RAB5B: variants seen among roughly 807,000 people sequenced by gnomAD.
RAB5B encodes the protein RAB5B, member RAS oncogene family.
Under a neutral mutation model 28.6 loss-of-function variants are expected in RAB5B, and 11 were observed. The observed-to-expected ratio is 0.38, with a 90% CI of 0.24 to 0.64. The LOEUF is 0.64. Among genes scored for constraint, RAB5B ranks in the 30% least tolerant of loss-of-function variants. The pLI is 0.53. For synonymous variants in RAB5B, 93 were observed against 97.9 expected (o/e 0.95, Z 0.29); for missense variants, 169 against 265.6 (o/e 0.64, Z 2.53).
Position 55,980,589 on chromosome 12 carries a change from C to T in RAB5B, c.-92-6280C>T, listed in dbSNP as rs193126791. ...TTCATACTGGATTTAGCACTAGTTT[C>T]GAAAAATCGGATTCCATGCTCTCGA... On this transcript the variant is annotated intron_variant, in intron 1 of 5. Coordinates refer to ENST00000360299, the MANE Select transcript of RAB5B (RefSeq NM_002868.4). 253 of 1,597,980 alleles carry T rather than the reference C, an allele frequency of 1.6e-4. 1 individual carries two copies. In the African/African-American group the frequency reaches 2.7e-3, roughly 17 times the overall value.
chr12:55,977,358 A>C (rs955576372), intron 1 of RAB5B, among the ~76,000 whole-genome samples: 1 of 152,148 alleles, frequency 6.6e-6, no homozygotes, highest in Non-Finnish European at 1.5e-5. Context: ...TAGGAGTAGA[A>C]TTATCAATAA....
chr12:55,985,907 A>T (rs529141833), intron 1 of RAB5B, among the ~76,000 whole-genome samples: 3 of 152,300 alleles, frequency 2.0e-5, no homozygotes, highest in Admixed American at 2.0e-4. Context: ...AAGAGTTGTT[A>T]ATGAAACAAA....
At chr12:55,989,883 G>A (rs1890057045) in intron 2 of RAB5B, 64 bp from the exon 3 acceptor site, 23 of 1,529,922 alleles carry the variant, frequency 1.5e-5, no homozygotes, top group Non-Finnish European at 1.9e-5. Context: ...TTTGAAGGGG[G>A]GGAGGGATGT....
chr12:55,987,166 GTT>G (rs34223637), intron 2 of RAB5B, 43 bp downstream of exon 2: 2,147 of 1,246,114 alleles, frequency 1.7e-3, no homozygotes, highest in Admixed American at 2.7e-3. Context: ...TTTGGTAAGG[GTT>G]TTTTTTTTTT....
At position 55,989,933 on chromosome 12, in the gene RAB5B, T is replaced by C. The variant is rs2136488558; in HGVS notation, c.164-14T>C. ...CCACTTACAGCATCTTCCCCTCCAT[T>C]CTCTCATCCATAGCGGCCTTCCTCA... On this transcript the variant is annotated splice_polypyrimidine_tract_variant and intron_variant, in intron 2 of 5. Transcript: ENST00000360299. The C allele has an allele frequency of 6.2e-7, 1 of 1,606,966 alleles. No individual in the cohort carries two copies. Among genetic ancestry groups the C allele is most frequent in the Admixed American group, 1.7e-5 (1 of 59,986 alleles).
chr12:55,981,159 G>T (rs1889797220), intron 1 of RAB5B: 1 of 788,280 alleles, frequency 1.3e-6, no homozygotes, highest in Admixed American at 2.4e-5. Context: ...TGCCTCCCAG[G>T]TTCAAGCAAT....
intron 2 of RAB5B, 97 bp downstream of exon 2, chr12:55,987,220 G>T: frequency 7.9e-7 from 1 of 1,269,786 alleles, no homozygotes; most frequent in African/African-American, 1.5e-5. Context: ...GAGTGCAGTG[G>T]CGCAATCTTG....
At chr12:55,984,407 C>G (rs1363615655) in intron 1 of RAB5B, among the ~76,000 whole-genome samples, 1 of 152,150 alleles carries the variant, frequency 6.6e-6, no homozygotes, top group African/African-American at 2.4e-5. Context: ...CCAGGCTTGT[C>G]TCAAACTCCT....
At chr12:55,991,701 G>A in intron 5 of RAB5B, 1 of 441,470 alleles carries the variant, frequency 2.3e-6, no homozygotes, top group Admixed American at 3.6e-5. Context: ...GGCCGAGGCG[G>A]GCGGATCACG....
chr12:55,989,926 C>A (rs754247358), intron 2 of RAB5B, 21 bp from the exon 3 acceptor site: 6 of 1,603,664 alleles, frequency 3.7e-6, no homozygotes, highest in Non-Finnish European at 5.1e-6. Flanking sequence ...AGCATCTTCC[C>A]CTCCATTCTC....
At chr12:55,987,237 T>G in intron 2 of RAB5B, 114 bp downstream of exon 2, 1 of 1,027,828 alleles carries the variant, frequency 9.7e-7, no homozygotes, top group Non-Finnish European at 1.4e-6. Flanking sequence ...CTTGGCTTAC[T>G]GCAACCTCTG....
chr12:55,991,514 A>C, intron 5 of RAB5B, 61 bp downstream of exon 5: 1 of 1,403,700 alleles, frequency 7.1e-7, no homozygotes, highest in Admixed American at 1.7e-5. Flanking sequence ...AATTATAGCT[A>C]ACCCAAATCA....
Position 55,994,580 on chromosome 12 carries a change from G to A in RAB5B, c.*2368G>A, listed in dbSNP as rs866875317. ...TTAAGGGGGGGTGTTGTGGTTTTTT[G>A]TTTTTGTTTTGCTTCTGAGAAAGCA... On this transcript the variant is annotated 3_prime_UTR_variant, in exon 6 of 6. Transcript: ENST00000360299. 3 of 151,138 alleles carry A rather than the reference G, an allele frequency of 2.0e-5. No homozygotes were observed. Among genetic ancestry groups the A allele is most frequent in the African/African-American group, 4.9e-5 (2 of 40,972 alleles). The allele number at this position is 151,138 out of a possible 1,614,324, so 9.4% of individuals were successfully genotyped here. A position where few individuals can be genotyped will look rare whatever the true frequency, so the allele number is the denominator to read the frequency against.
rs1388083296 is a variant in RAB5B at position 55,995,925 on chromosome 12, CTCTCCCTCTT to C, written c.*3723_*3732del. 1.4e-5 allele frequency: 2 copies of C among 143,764 alleles called. No individual in the cohort carries two copies. 8.9% of individuals were successfully genotyped at this position (143,764 alleles called of 1,614,324 possible). A position where few individuals can be genotyped will look rare whatever the true frequency, so the allele number is the denominator to read the frequency against. ...TTAGGTTGAAGCTCGCTTTCTCTCT[CTCTCCCTCTT>C]TCTCCCTCTCTCTCTCTCTCTCACT... On this transcript the variant is annotated 3_prime_UTR_variant, in exon 6 of 6. Coordinates refer to ENST00000360299, the MANE Select transcript of RAB5B (RefSeq NM_002868.4).
intron 3 of RAB5B, 68 bp from the exon 4 acceptor site, chr12:55,990,614 A>G (rs1890084995): frequency 1.9e-6 from 3 of 1,585,550 alleles, no homozygotes; most frequent in African/African-American, 1.3e-5. Flanking sequence ...TTTGAGACTC[A>G]TTTTAAAAGG....
rs1890222275 is a variant in RAB5B at position 55,994,268 on chromosome 12, G to T, written c.*2056G>T. On this transcript the variant is annotated 3_prime_UTR_variant, in exon 6 of 6. Transcript: ENST00000360299. ...TTTTACAAGTGGAAGAACTAGGATG[G>T]CTTTCCAAAGTCTTCTAGAAATGAA... The T allele has an allele frequency of 1.3e-5, 2 of 152,464 alleles. No homozygotes were observed. Among genetic ancestry groups the T allele is most frequent in the Non-Finnish European group, 2.9e-5 (2 of 68,030 alleles). The allele number at this position is 152,464 out of a possible 1,614,324, so 9.4% of individuals were successfully genotyped here.
Position 55,992,459 on chromosome 12 carries a change from T to A in RAB5B, c.*247T>A. 1 of 661,242 alleles carries A rather than the reference T, an allele frequency of 1.5e-6. No individual in the cohort carries two copies. Among genetic ancestry groups the A allele is most frequent in the Non-Finnish European group, 2.8e-6 (1 of 359,152 alleles). 41.0% of individuals were successfully genotyped at this position (661,242 alleles called of 1,614,324 possible). Reference sequence around the variant, plus strand: ...GGTCAACTCCCCCCAGGACTTACCTTCCAAAACAAACTTTCTTCACTTTGT... The same window carrying A: ...GGTCAACTCCCCCCAGGACTTACCTACCAAAACAAACTTTCTTCACTTTGT... On this transcript the variant is annotated 3_prime_UTR_variant, in exon 6 of 6. Coordinates refer to ENST00000360299, the MANE Select transcript of RAB5B (RefSeq NM_002868.4).
Position 55,994,717 on chromosome 12 carries a change from G to A in RAB5B, c.*2505G>A, listed in dbSNP as rs995016570. 2 of 152,476 alleles carry A rather than the reference G, an allele frequency of 1.3e-5. No homozygotes were observed. Among genetic ancestry groups the A allele is most frequent in the African/African-American group, 2.4e-5 (1 of 41,398 alleles). The allele number at this position is 152,476 out of a possible 1,614,324, so 9.4% of individuals were successfully genotyped here. ...AGGAAAAAAAGAAAAGGGCATTGGA[G>A]TGTTGCTTTTTTTTATTTTATTGTT... On this transcript the variant is annotated 3_prime_UTR_variant, in exon 6 of 6. Coordinates refer to ENST00000360299, the MANE Select transcript of RAB5B (RefSeq NM_002868.4).
rs548656136 is a variant in RAB5B at position 55,992,679 on chromosome 12, A to C, written c.*467A>C. 1 of 390,034 alleles carries C rather than the reference A, an allele frequency of 2.6e-6. No homozygotes were observed. Among genetic ancestry groups the C allele is most frequent in the East Asian group, 8.8e-5 (1 of 11,412 alleles). 24.2% of individuals were successfully genotyped at this position (390,034 alleles called of 1,614,324 possible). The stretch of plus-strand genomic sequence containing the variant: ...CCAGGAACTGAGGAAGGAGGTTTCC[A>C]GTTCATTTACATTAAGGGCCCTGGG... On this transcript the variant is annotated 3_prime_UTR_variant, in exon 6 of 6. Transcript: ENST00000360299.
Sources: allele counts gnomAD v4.1 joint callset (sites outside exome capture counted in the v4.1 genomes callset), GRCh38; gene constraint gnomAD v4.1.1; transcripts MANE v1.5; gene names NCBI Gene and HGNC (gene_info 2026-07-23, HGNC 2026-07-21).